C13orf42: variants seen among roughly 807,000 people sequenced by gnomAD.
The protein encoded by C13orf42 is chromosome 13 open reading frame 42.
At chr13:51,138,866 A>AAT (rs1196264464) in intron 1 of C13orf42, among the ~76,000 whole-genome samples, 3 of 152,220 alleles carry the variant, frequency 2.0e-5, no homozygotes, top group African/African-American at 7.2e-5. Context: ...ATGGATAATG[A>AAT]ATATATATAC....
intron 1 of C13orf42, among the ~76,000 whole-genome samples, chr13:51,116,453 T>C (rs1953493130): frequency 6.6e-6 from 1 of 152,230 alleles, no homozygotes; most frequent in Non-Finnish European, 1.5e-5. Flanking sequence ...ACATTTTCAC[T>C]CAATTTAGAA....
At chr13:51,166,527 G>A (rs1953903128) in intron 1 of C13orf42, among the ~76,000 whole-genome samples, 1 of 147,868 alleles carries the variant, frequency 6.8e-6, no homozygotes, top group Non-Finnish European at 1.5e-5. Context: ...ACACCAGCAT[G>A]GCACATGTAT....
At chr13:51,115,037 T>G (rs1051713616), upstream of C13orf42, among the ~76,000 whole-genome samples, 10 of 152,130 alleles carry the variant, frequency 6.6e-5, no homozygotes, top group African/African-American at 2.4e-4. Flanking sequence ...ATAAATGAGA[T>G]AATAGAGAGC....
At chr13:51,152,169 G>T (rs1483779916) in intron 1 of C13orf42, among the ~76,000 whole-genome samples, 1 of 152,172 alleles carries the variant, frequency 6.6e-6, no homozygotes, top group Non-Finnish European at 1.5e-5. Flanking sequence ...TAGCATGGAG[G>T]TCCCTCAGAA....
chr13:51,158,223 T>TTG (rs1953838837), intron 1 of C13orf42, among the ~76,000 whole-genome samples: 3 of 152,192 alleles, frequency 2.0e-5, no homozygotes, highest in Non-Finnish European at 4.4e-5. Context: ...TTCCAGAACC[T>TTG]ACAGTTCTCA....
intron 1 of C13orf42, among the ~76,000 whole-genome samples, chr13:51,127,718 T>A (rs956913399): frequency 2.0e-5 from 3 of 152,216 alleles, no homozygotes; most frequent in South Asian, 2.1e-4. Context: ...TTTACATTTT[T>A]AAAAAACTAT....
chr13:51,124,658 C>T (rs566326469), intron 1 of C13orf42, among the ~76,000 whole-genome samples: 20 of 152,320 alleles, frequency 1.3e-4, no homozygotes, highest in African/African-American at 4.8e-4. Context: ...ACAGCAGACA[C>T]AAGGTTCACA....
chr13:51,114,496 C>T (rs1486030069), upstream of C13orf42, among the ~76,000 whole-genome samples: 4 of 152,080 alleles, frequency 2.6e-5, no homozygotes, highest in African/African-American at 9.7e-5. Context: ...TGAGATCGTA[C>T]AGAATTTTTA....
chr13:51,156,888 A>G (rs540821789), intron 1 of C13orf42, among the ~76,000 whole-genome samples: 7 of 152,344 alleles, frequency 4.6e-5, no homozygotes. Context: ...TAATCCACGC[A>G]ATTGTTACCC....
intron 1 of C13orf42, among the ~76,000 whole-genome samples, chr13:51,123,008 GTC>G: frequency 6.6e-6 from 1 of 152,140 alleles, no homozygotes; most frequent in East Asian, 1.9e-4. Context: ...GATACTTGTG[GTC>G]TGTTTTGCCC....
At chr13:51,131,451 A>G (rs1324502350) in intron 1 of C13orf42, among the ~76,000 whole-genome samples, 2 of 152,224 alleles carry the variant, frequency 1.3e-5, no homozygotes, top group African/African-American at 2.4e-5. Flanking sequence ...GTCCCTGTAC[A>G]GGTTTCCTGA....
At chr13:51,134,456 T>C (rs1050220599) in intron 1 of C13orf42, among the ~76,000 whole-genome samples, 4 of 152,358 alleles carry the variant, frequency 2.6e-5, no homozygotes, top group African/African-American at 9.6e-5. Context: ...AAGGGGCCGT[T>C]ACAGAGTGTA....
intron 1 of C13orf42, among the ~76,000 whole-genome samples, chr13:51,116,897 T>C (rs1004101827): frequency 6.6e-6 from 1 of 152,166 alleles, no homozygotes; most frequent in South Asian, 2.1e-4. Context: ...CCGGAATACT[T>C]AAATGGATGC....
At chr13:51,165,494 G>A (rs1007018362) in intron 1 of C13orf42, among the ~76,000 whole-genome samples, 8 of 152,134 alleles carry the variant, frequency 5.3e-5, no homozygotes, top group African/African-American at 1.9e-4. Context: ...TAGGACCTGG[G>A]CAGTCAACTT....
At chr13:51,170,595 A>G (rs1953940645) in intron 1 of C13orf42, among the ~76,000 whole-genome samples, 1 of 152,020 alleles carries the variant, frequency 6.6e-6, no homozygotes, top group Non-Finnish European at 1.5e-5. Context: ...TCTGGTAGAG[A>G]CAAAAGAGAC....
upstream of C13orf42, among the ~76,000 whole-genome samples, chr13:51,115,024 A>C (rs1316478305): frequency 2.0e-5 from 3 of 152,204 alleles, no homozygotes; most frequent in Non-Finnish European, 4.4e-5. Context: ...AAAAACAACA[A>C]AAATAAATGA....
chr13:51,110,270 G>T (rs974063005), intron 1 of C13orf42, among the ~76,000 whole-genome samples: 2 of 152,152 alleles, frequency 1.3e-5, no homozygotes, highest in African/African-American at 4.8e-5. Context: ...GTTGAAAAAT[G>T]ATTTGCTGTC....
chr13:51,084,196 T>C lies in C13orf42; in HGVS notation c.933A>G (p.Gly311=), dbSNP rs989704545. 1.3e-5 allele frequency: 5 copies of C among 398,612 alleles called. No individual in the cohort carries two copies. The Admixed American group carries it at 1.3e-4, about 11-fold the overall frequency. 24.7% of individuals were successfully genotyped at this position (398,612 alleles called of 1,614,324 possible). ...EDYYETENPK[G]QWLLRERLWE... ...AAAGTCTTTCTCGAAGCAGCCACTG[T>C]CCTTTGGGGTTCTCTGTCTCATAGT... is the stretch of plus-strand genomic sequence containing the variant. The change falls in exon 4 of 4, where the codon GGA becomes GGG. Residue 311 remains glycine (G), a synonymous_variant. Transcript: ENST00000563710.
chr13:51,147,627 G>T (rs1953746962), intron 1 of C13orf42, among the ~76,000 whole-genome samples: 1 of 152,138 alleles, frequency 6.6e-6, no homozygotes, highest in Non-Finnish European at 1.5e-5. Flanking sequence ...TACTCGGGAG[G>T]CTGAGGCTGG....
Sources: gnomAD v4.1 joint callset for allele counts (sites outside exome capture counted in the v4.1 genomes callset) on GRCh38, gnomAD v4.1.1 for gene constraint, MANE v1.5 for transcripts, NCBI Gene and HGNC (gene_info 2026-07-23, HGNC 2026-07-21) for gene names.